Variants in ARL15 observed in about 807,000 individuals in gnomAD.
ARL15 encodes the protein ADP-ribosylation factor-like protein 15.
Under a neutral mutation model 25.2 loss-of-function variants are expected in ARL15, and 19 were observed. The observed-to-expected ratio is 0.75, with a 90% CI of 0.53 to 1.10. The LOEUF (loss-of-function observed/expected upper bound fraction) is 1.10. ARL15 is among the 50% of genes least tolerant of loss of function. The pLI is 0.00. For synonymous variants in ARL15, 94 were observed against 86.8 expected (o/e 1.08, Z -0.46); for missense variants, 220 against 246.0 (o/e 0.89, Z 0.71).
chr5:54,111,760 AGAAT>A (rs1268543039), intron 4 of ARL15, among the ~76,000 whole-genome samples: 2 of 152,124 alleles, frequency 1.3e-5, no homozygotes, highest in Non-Finnish European at 2.9e-5. Flanking sequence ...AAGATTTTTT[AGAAT>A]GAATAGCTGA....
intron 2 of ARL15, among the ~76,000 whole-genome samples, chr5:54,170,818 G>C (rs1467659805): frequency 6.6e-6 from 1 of 152,118 alleles, no homozygotes; most frequent in Non-Finnish European, 1.5e-5. Context: ...GAGACTCCTG[G>C]AATGCTGAAA....
At chr5:54,282,384 T>C in intron 1 of ARL15, 1 of 985,468 alleles carries the variant, frequency 1.0e-6, no homozygotes. Context: ...AAGAACTGTC[T>C]TCATTCCCCT....
At chr5:54,245,869 C>T (rs1024157843) in intron 1 of ARL15, among the ~76,000 whole-genome samples, 18 of 152,010 alleles carry the variant, frequency 1.2e-4, no homozygotes, top group African/African-American at 4.1e-4. Flanking sequence ...ATTACGGGCA[C>T]GAGCCACTGT....
chr5:54,158,603 G>A (rs1435453691), intron 2 of ARL15, among the ~76,000 whole-genome samples: 12 of 152,184 alleles, frequency 7.9e-5, no homozygotes, highest in Admixed American at 3.3e-4. Flanking sequence ...TGCCAGGCAC[G>A]GTGGCTCACG....
chr5:54,107,294 G>T (rs1364482738), intron 4 of ARL15, among the ~76,000 whole-genome samples: 4 of 152,032 alleles, frequency 2.6e-5, no homozygotes, highest in Non-Finnish European at 4.4e-5. Flanking sequence ...TTGAGATTTA[G>T]GTAGGGGCAC....
At chr5:54,282,305 A>T (rs1758078612) in intron 1 of ARL15, 1 of 985,354 alleles carries the variant, frequency 1.0e-6, no homozygotes, top group Admixed American at 6.1e-5. Flanking sequence ...AGCAAATGAG[A>T]TCTGGATGCA....
At chr5:54,287,960 T>C (rs1295117379) in intron 1 of ARL15, among the ~76,000 whole-genome samples, 1 of 152,182 alleles carries the variant, frequency 6.6e-6, no homozygotes, top group Non-Finnish European at 1.5e-5. Context: ...AAGCAGTTCA[T>C]AGTGCAAAAT....
intron 4 of ARL15, among the ~76,000 whole-genome samples, chr5:54,043,359 G>A (rs533064000): frequency 6.6e-6 from 1 of 152,240 alleles, no homozygotes; most frequent in African/African-American, 2.4e-5. Context: ...CTCTCAATAA[G>A]GCTCTGAGTG....
chr5:54,139,173 A>G (rs772136046), intron 3 of ARL15, among the ~76,000 whole-genome samples: 3 of 152,218 alleles, frequency 2.0e-5, no homozygotes, highest in Non-Finnish European at 2.9e-5. Context: ...GTATCTACCT[A>G]AAAGAAAAGA....
At chr5:54,040,297 G>T (rs187915193) in intron 4 of ARL15, among the ~76,000 whole-genome samples, 1 of 152,128 alleles carries the variant, frequency 6.6e-6, no homozygotes, top group Non-Finnish European at 1.5e-5. Flanking sequence ...ATGAAAGAAA[G>T]CTCATACTTA....
intron 4 of ARL15, among the ~76,000 whole-genome samples, chr5:54,038,046 T>C (rs1028435521): frequency 1.3e-5 from 2 of 152,266 alleles, no homozygotes; most frequent in Middle Eastern, 3.4e-3. Flanking sequence ...AAAATCATAC[T>C]TTAATTGCCA....
chr5:53,995,625 T>A (rs1290456674), intron 4 of ARL15, among the ~76,000 whole-genome samples: 1 of 152,176 alleles, frequency 6.6e-6, no homozygotes, highest in Non-Finnish European at 1.5e-5. Context: ...TCATAGTTTA[T>A]CAGTAAGAAA....
chr5:53,972,809 T>A (rs76340316), intron 4 of ARL15, among the ~76,000 whole-genome samples: 8,423 of 152,176 alleles, frequency 0.055, 332 homozygotes, highest in Admixed American at 0.082. Context: ...GGTATTGTAC[T>A]GAGATTTCAA....
rs71600803 is a variant in ARL15 at position 54,117,370 on chromosome 5, TAC to T, written c.254-3962_254-3961del. Among the ~76,000 whole-genome samples, 1,372 of 143,802 alleles carry T rather than the reference TAC, an allele frequency of 9.5e-3. 18 individuals carry two copies. Among genetic ancestry groups the T allele is most frequent in the Middle Eastern group, 0.061 (17 of 278 alleles). The allele number at this position is 143,802 out of a possible 152,430, so 94.3% of individuals were successfully genotyped here. ...TGGTACCTGCAAATAGTGAGACACA[TAC>T]ACACACACACACACACACACACACA... On this transcript the variant is annotated intron_variant, in intron 3 of 4. Coordinates refer to ENST00000504924, the MANE Select transcript of ARL15 (RefSeq NM_019087.3).
In ARL15 at chr5:54,043,662, C is replaced by T. The variant is rs141163723; in HGVS notation, c.462+69540G>A. On this transcript the variant is annotated intron_variant, in intron 4 of 4. Transcript: ENST00000504924. ...TCATAGGGAAAGAGAACATTTACCA[C>T]CACGGGCTGAGCACCATCAGGCATA... Among the ~76,000 whole-genome samples, 66 of 152,188 alleles carry T rather than the reference C, an allele frequency of 4.3e-4. No homozygotes were observed. In the East Asian group the frequency reaches 4.4e-3, roughly 10 times the overall value.
intron 1 of ARL15, among the ~76,000 whole-genome samples, chr5:54,233,725 C>T (rs1467926791): frequency 6.6e-6 from 1 of 152,202 alleles, no homozygotes; most frequent in Non-Finnish European, 1.5e-5. Flanking sequence ...GATATAGAAT[C>T]ACAGAAGACT....
chr5:54,303,614 C>CCTGAA, intron 1 of ARL15, among the ~76,000 whole-genome samples: 1 of 125,126 alleles, frequency 8.0e-6, no homozygotes, highest in South Asian at 2.5e-4. Context: ...AAGGAGATCG[C>CCTGAA]ACCACTGCAC....
intron 4 of ARL15, among the ~76,000 whole-genome samples, chr5:54,018,359 G>A (rs1749491205): frequency 6.6e-6 from 1 of 152,272 alleles, no homozygotes; most frequent in Admixed American, 6.5e-5. Context: ...TCCAAGGATT[G>A]CAGACATAGA....
At chr5:54,063,946 C>T (rs570949939) in intron 4 of ARL15, among the ~76,000 whole-genome samples, 37 of 152,292 alleles carry the variant, frequency 2.4e-4, no homozygotes, top group African/African-American at 8.7e-4. Context: ...ACTCTGACCA[C>T]ATCATTTTTA....
Sources: gnomAD v4.1 joint callset for allele counts (sites outside exome capture counted in the v4.1 genomes callset) on GRCh38, gnomAD v4.1.1 for gene constraint, MANE v1.5 for transcripts, NCBI Gene and HGNC (gene_info 2026-07-23, HGNC 2026-07-21) for gene names.